Variants in PDE4D observed in about 807,000 individuals in gnomAD.
PDE4D encodes phosphodiesterase 4D, also known as 3',5'-cyclic-AMP phosphodiesterase 4D.
A neutral mutation model predicts 87.4 loss-of-function variants in PDE4D; 24 were observed. The observed-to-expected ratio is 0.27, with a 90% confidence interval of 0.20 to 0.39. The LOEUF is 0.39. PDE4D is among the 10% of genes least tolerant of loss of function. The probability of loss-of-function intolerance (pLI) is 1.00; values close to 1 mark genes in which losing one functional copy is unlikely to be tolerated. For synonymous variants in PDE4D, 384 were observed against 383.2 expected, an observed-to-expected ratio of 1.00 and a Z score of -0.02; for missense variants, 714 against 1,041.0, an observed-to-expected ratio of 0.69 and a Z score of 4.32.
chr5:60,440,772 G>A (rs918073589), intron 1 of PDE4D, among the ~76,000 whole-genome samples: 11 of 152,028 alleles, frequency 7.2e-5, no homozygotes, highest in Middle Eastern at 3.2e-3. Context: ...CTATGTGCAG[G>A]ATAATCATTT....
chr5:60,003,010 G>T (rs13158875), intron 2 of PDE4D, among the ~76,000 whole-genome samples: 1 of 151,902 alleles, frequency 6.6e-6, no homozygotes. Context: ...AAACTCTAAA[G>T]ACTTCACTAA....
At chr5:59,608,764 C>T (rs1470191607) in intron 1 of PDE4D, among the ~76,000 whole-genome samples, 1 of 152,082 alleles carries the variant, frequency 6.6e-6, no homozygotes, top group South Asian at 2.1e-4. Flanking sequence ...GTAGAGTCCC[C>T]CTCCCACTCT....
At chr5:59,096,628 T>C (rs1329879702) in intron 5 of PDE4D, among the ~76,000 whole-genome samples, 1 of 152,132 alleles carries the variant, frequency 6.6e-6, no homozygotes, top group Non-Finnish European at 1.5e-5. Context: ...ATTGCAGACA[T>C]TGGTCTGTCT....
At chr5:59,060,110 C>T (rs945050651) in intron 5 of PDE4D, among the ~76,000 whole-genome samples, 5 of 152,066 alleles carry the variant, frequency 3.3e-5, no homozygotes, top group Non-Finnish European at 7.4e-5. Context: ...TTTTTATCTG[C>T]CTGTATTTAT....
chr5:59,280,577 T>C (rs1056387083), intron 1 of PDE4D, among the ~76,000 whole-genome samples: 3 of 152,282 alleles, frequency 2.0e-5, no homozygotes, highest in African/African-American at 7.2e-5. Flanking sequence ...TAAACTTAAA[T>C]GAATCTCTGC....
chr5:60,318,414 C>T (rs779018663), intron 1 of PDE4D, among the ~76,000 whole-genome samples: 17 of 152,272 alleles, frequency 1.1e-4, no homozygotes, highest in Non-Finnish European at 1.9e-4. Context: ...ATATAGCACA[C>T]TGATGGGTCT....
intron 2 of PDE4D, among the ~76,000 whole-genome samples, chr5:60,111,108 A>G (rs1475038845): frequency 6.6e-6 from 1 of 152,026 alleles, no homozygotes; most frequent in Non-Finnish European, 1.5e-5. Flanking sequence ...TTGGGTAAAC[A>G]TGGTTAGCTA....
chr5:60,057,515 G>A (rs1477523391), intron 2 of PDE4D, among the ~76,000 whole-genome samples: 1 of 151,858 alleles, frequency 6.6e-6, no homozygotes, highest in Non-Finnish European at 1.5e-5. Context: ...AGTGCCTTCT[G>A]TCCCCAGCCC....
At chr5:60,158,253 T>C (rs916065763) in intron 2 of PDE4D, among the ~76,000 whole-genome samples, 5 of 152,204 alleles carry the variant, frequency 3.3e-5, no homozygotes, top group Non-Finnish European at 5.9e-5. Flanking sequence ...ACCTAGACTA[T>C]ATTGTATAGC....
intron 1 of PDE4D, among the ~76,000 whole-genome samples, chr5:59,691,441 A>G (rs1341909821): frequency 1.3e-5 from 2 of 152,066 alleles, no homozygotes; most frequent in Non-Finnish European, 2.9e-5. Flanking sequence ...GAAGCTGGAA[A>G]CCATCATTCT....
At chr5:60,011,526 T>C (rs1413309310) in intron 2 of PDE4D, among the ~76,000 whole-genome samples, 1 of 152,194 alleles carries the variant, frequency 6.6e-6, no homozygotes, top group Non-Finnish European at 1.5e-5. Flanking sequence ...TATACATTTC[T>C]TAATTTTATG....
At chr5:59,277,497 G>A (rs1036148138) in intron 1 of PDE4D, among the ~76,000 whole-genome samples, 3 of 152,082 alleles carry the variant, frequency 2.0e-5, no homozygotes, top group Non-Finnish European at 4.4e-5. Flanking sequence ...GGATTTAGAG[G>A]AAGAGGTTTA....
intron 3 of PDE4D, among the ~76,000 whole-genome samples, chr5:59,967,571 G>A (rs190370276): frequency 6.6e-6 from 1 of 152,240 alleles, no homozygotes; most frequent in East Asian, 1.9e-4. Context: ...ACACCAGTCA[G>A]GATGGCTATT....
At chr5:58,986,798 T>C (rs1418810879) in intron 11 of PDE4D, among the ~76,000 whole-genome samples, 1 of 152,162 alleles carries the variant, frequency 6.6e-6, no homozygotes, top group South Asian at 2.1e-4. Context: ...CAGGTCCTCA[T>C]TACCCTTAAA....
At chr5:60,508,873 T>C (rs1400591783) in intron 1 of PDE4D, among the ~76,000 whole-genome samples, 2 of 151,376 alleles carry the variant, frequency 1.3e-5, no homozygotes, top group Non-Finnish European at 2.9e-5. Context: ...CTCTTTTTTT[T>C]TCTTTCTTTC....
intron 2 of PDE4D, among the ~76,000 whole-genome samples, chr5:60,164,011 AT>A (rs1782684928): frequency 6.6e-6 from 1 of 152,214 alleles, no homozygotes; most frequent in Non-Finnish European, 1.5e-5. Context: ...TATCATTTAA[AT>A]ATGTTAACCT....
intron 1 of PDE4D, among the ~76,000 whole-genome samples, chr5:60,480,289 A>C (rs1365127451): frequency 3.3e-5 from 5 of 152,186 alleles, no homozygotes; most frequent in Non-Finnish European, 7.3e-5. Flanking sequence ...TTTGTGAAAT[A>C]ATCAGTTCCC....
intron 1 of PDE4D, among the ~76,000 whole-genome samples, chr5:59,736,880 G>T (rs1489048573): frequency 6.6e-6 from 1 of 151,948 alleles, no homozygotes; most frequent in East Asian, 1.9e-4. Context: ...GATTATAACG[G>T]TTTTAAAATT....
rs771461522 is a variant in PDE4D at position 59,311,973 on chromosome 5, GA to G, written c.456-96006del. 5.5e-4 allele frequency among the ~76,000 whole-genome samples: 84 copies of G among 152,232 alleles called. 1 individual carries two copies. The highest frequency in any genetic ancestry group is 1.2e-3 in the Admixed American group (18 of 15,286). ...CATTTCTTCCTCCAGAAGCCAAAAG[GA>G]AAAACTACCTCCTCCTTTGGAGGTG... On this transcript the variant is annotated intron_variant, in intron 1 of 14. Coordinates refer to ENST00000340635, the MANE Select transcript of PDE4D (RefSeq NM_001104631.2).
Sources: allele counts gnomAD v4.1 joint callset (sites outside exome capture counted in the v4.1 genomes callset), GRCh38; gene constraint gnomAD v4.1.1; transcripts MANE v1.5; gene names NCBI Gene and HGNC (gene_info 2026-07-23, HGNC 2026-07-21).